Variants in MARCHF1 observed in about 807,000 individuals in gnomAD.
MARCHF1 encodes the protein membrane associated ring-CH-type finger 1.
A neutral mutation model predicts 54.2 loss-of-function variants in MARCHF1; 40 were observed. The ratio of observed to expected loss-of-function variants is 0.74; its 90% CI spans 0.57 to 0.96. The LOEUF is 0.96. Ranked by LOEUF, MARCHF1 falls within the 40% of genes least tolerant of loss-of-function variation. MARCHF1 has a pLI of 0.00. For missense variants in MARCHF1, 586 were observed against 656.5 expected (o/e 0.89, Z 1.17); for synonymous variants, 236 against 236.3 (o/e 1.00, Z 0.01).
chr4:164,037,415 A>T (rs1237517098), intron 2 of MARCHF1, among the ~76,000 whole-genome samples: 1 of 152,226 alleles, frequency 6.6e-6, no homozygotes, highest in African/African-American at 2.4e-5. Context: ...AAAATGAAAA[A>T]GTGAACTGAT....
intron 3 of MARCHF1, among the ~76,000 whole-genome samples, chr4:163,986,661 A>C (rs1752877486): frequency 6.6e-6 from 1 of 152,184 alleles, no homozygotes; most frequent in South Asian, 2.1e-4. Flanking sequence ...ATGTTTTAAT[A>C]ATTCAAGATA....
intron 4 of MARCHF1, among the ~76,000 whole-genome samples, chr4:163,811,302 C>A (rs1466537595): frequency 6.6e-6 from 1 of 151,838 alleles, no homozygotes; most frequent in Non-Finnish European, 1.5e-5. Flanking sequence ...TTTAGTGATA[C>A]CTTAACTGCC....
At chr4:163,636,822 A>G (rs1468551854) in intron 5 of MARCHF1, among the ~76,000 whole-genome samples, 1 of 152,236 alleles carries the variant, frequency 6.6e-6, no homozygotes, top group East Asian at 1.9e-4. Flanking sequence ...AGCTGGAGGC[A>G]TCACACTACC....
rs1197848931 is a variant in MARCHF1, at chr4:164,342,665, T to TA, written c.-323+41204dup. On this transcript the variant is annotated intron_variant, in intron 1 of 9. Coordinates refer to ENST00000514618, the MANE Select transcript of MARCHF1 (RefSeq NM_001394959.1). ...TATCTTGAAGAGATATCTGAACTCC[T>TA]ATGTTCATTGCAGCGTTATTCCTAA... Among the ~76,000 whole-genome samples the TA allele has an allele frequency of 3.3e-5, 5 of 152,250 alleles. No homozygotes were observed. The East Asian group carries it at 9.6e-4, about 29-fold the overall frequency.
chr4:164,350,741 G>C (rs545643356), intron 1 of MARCHF1, among the ~76,000 whole-genome samples: 1 of 152,194 alleles, frequency 6.6e-6, no homozygotes, highest in Non-Finnish European at 1.5e-5. Context: ...CAGTTCAATA[G>C]TATTGTTGGG....
chr4:163,719,392 G>A (rs927089259), intron 4 of MARCHF1, among the ~76,000 whole-genome samples: 11 of 152,120 alleles, frequency 7.2e-5, no homozygotes, highest in African/African-American at 2.7e-4. Flanking sequence ...AGTATTCCAT[G>A]GTGTATATGT....
rs17043977 is a variant in MARCHF1, at chr4:163,613,518, C to A, written c.163-125G>T. ...GCTGCTGGTCATGTTGCTTATAATG[C>A]AGAACAGAGAATATAGGAAGTTTGA... is the stretch of plus-strand genomic sequence containing the variant. On this transcript the variant is annotated intron_variant, in intron 5 of 9. Coordinates refer to ENST00000514618, the MANE Select transcript of MARCHF1 (RefSeq NM_001394959.1). 18,546 of 1,603,138 alleles carry A rather than the reference C, an allele frequency of 0.012. 1,636 individuals carry two copies. The African/African-American group carries it at 0.2, about 18-fold the overall frequency.
At chr4:163,889,993 C>G (rs539101858) in intron 3 of MARCHF1, among the ~76,000 whole-genome samples, 3 of 130,064 alleles carry the variant, frequency 2.3e-5, no homozygotes, top group African/African-American at 8.7e-5. Flanking sequence ...GGCACTGTTT[C>G]GGCTCACTGC....
intron 2 of MARCHF1, among the ~76,000 whole-genome samples, chr4:164,057,635 G>C (rs908716108): frequency 1.3e-5 from 2 of 151,996 alleles, no homozygotes; most frequent in Non-Finnish European, 2.9e-5. Context: ...AACTATATTG[G>C]GTCAAGAGGT....
At chr4:163,762,790 C>A (rs1746865361) in intron 4 of MARCHF1, among the ~76,000 whole-genome samples, 1 of 151,938 alleles carries the variant, frequency 6.6e-6, no homozygotes, top group Non-Finnish European at 1.5e-5. Context: ...TATATACTTC[C>A]CTGATGGTTA....
intron 1 of MARCHF1, among the ~76,000 whole-genome samples, chr4:164,382,030 A>C (rs567951895): frequency 1.3e-5 from 2 of 152,218 alleles, no homozygotes; most frequent in Non-Finnish European, 2.9e-5. Context: ...AATCAGACAT[A>C]TAATTATGCA....
chr4:163,930,572 C>T (rs1751650006), intron 3 of MARCHF1, among the ~76,000 whole-genome samples: 8 of 147,268 alleles, frequency 5.4e-5, no homozygotes, highest in Admixed American at 4.8e-4. Flanking sequence ...TCATTCTAAA[C>T]ATTCTGGAAG....
chr4:164,205,170 T>A (rs1401200762), intron 1 of MARCHF1, among the ~76,000 whole-genome samples: 1 of 152,198 alleles, frequency 6.6e-6, no homozygotes, highest in Non-Finnish European at 1.5e-5. Context: ...TAAGAATTCA[T>A]TTCATTGTTA....
At position 163,527,530 on chromosome 4, in the gene MARCHF1, A is replaced by ATCTT. The variant is rs1411910774; in HGVS notation, c.*1214_*1217dup. ...CTGCTATAGGCAGATTGATTGTTTT[A>ATCTT]TCTTTCTATACTTTTGGATTTTTAC... On this transcript the variant is annotated 3_prime_UTR_variant, in exon 10 of 10. Transcript: ENST00000514618. 1.3e-5 allele frequency: 2 copies of ATCTT among 151,938 alleles called. No individual in the cohort carries two copies. Among genetic ancestry groups the ATCTT allele is most frequent in the African/African-American group, 2.4e-5 (1 of 41,424 alleles). 9.4% of individuals were successfully genotyped at this position (151,938 alleles called of 1,614,324 possible).
At chr4:163,872,002 A>T (rs1209049890) in intron 3 of MARCHF1, among the ~76,000 whole-genome samples, 1 of 152,236 alleles carries the variant, frequency 6.6e-6, no homozygotes, top group East Asian at 1.9e-4. Flanking sequence ...AGCTTCAAGT[A>T]TTTAAATTGA....
At chr4:163,793,383 T>A (rs1747822377) in intron 4 of MARCHF1, among the ~76,000 whole-genome samples, 1 of 152,184 alleles carries the variant, frequency 6.6e-6, no homozygotes, top group East Asian at 1.9e-4. Flanking sequence ...TCTCTTCAGT[T>A]GGGAAACAAA....
At chr4:163,779,648 G>C (rs574488814) in intron 4 of MARCHF1, among the ~76,000 whole-genome samples, 6 of 152,178 alleles carry the variant, frequency 3.9e-5, no homozygotes, top group South Asian at 4.1e-4. Context: ...AAAGTGATGG[G>C]CTTCATAGAA....
At chr4:164,376,779 T>C (rs966316369) in intron 1 of MARCHF1, among the ~76,000 whole-genome samples, 1 of 152,138 alleles carries the variant, frequency 6.6e-6, no homozygotes, top group Non-Finnish European at 1.5e-5. Context: ...AAGTGAAAGA[T>C]ACTCAGCGCA....
At chr4:163,973,544 A>G (rs1396985021) in intron 3 of MARCHF1, among the ~76,000 whole-genome samples, 1 of 152,244 alleles carries the variant, frequency 6.6e-6, no homozygotes, top group Non-Finnish European at 1.5e-5. Flanking sequence ...AGCAAGTCAC[A>G]TAGCCATGCC....
Sources: gnomAD v4.1 joint callset for allele counts (sites outside exome capture counted in the v4.1 genomes callset) on GRCh38, gnomAD v4.1.1 for gene constraint, MANE v1.5 for transcripts, NCBI Gene and HGNC (gene_info 2026-07-23, HGNC 2026-07-21) for gene names.